Variants in NCKAP5 observed in about 807,000 individuals in gnomAD.
The protein encoded by NCKAP5 is nck-associated protein 5.
A neutral mutation model predicts 167.0 loss-of-function variants in NCKAP5; 92 were observed. The ratio of observed to expected loss-of-function variants is 0.55; its 90% CI spans 0.47 to 0.66. NCKAP5 has a LOEUF of 0.66. Among genes scored for constraint, NCKAP5 ranks in the 30% least tolerant of loss-of-function variants. NCKAP5 has a pLI of 0.00. For missense variants in NCKAP5, 2,378 were observed against 2,315.0 expected, an observed-to-expected ratio of 1.03 and a Z score of -0.56; for synonymous variants, 891 against 877.4, an observed-to-expected ratio of 1.02 and a Z score of -0.27.
intron 4 of NCKAP5, among the ~76,000 whole-genome samples, chr2:133,215,637 T>C (rs2086394881): frequency 6.6e-6 from 1 of 152,096 alleles, no homozygotes; most frequent in Admixed American, 6.6e-5. Flanking sequence ...TATACAACAC[T>C]GAAAAGGAAT....
chr2:132,739,885 A>G (rs935598898), intron 16 of NCKAP5, among the ~76,000 whole-genome samples: 9 of 152,150 alleles, frequency 5.9e-5, no homozygotes, highest in Non-Finnish European at 1.0e-4. Context: ...AGCACCTTAA[A>G]AAGCTTTTTA....
At chr2:132,945,512 A>C (rs1174021727) in intron 8 of NCKAP5, among the ~76,000 whole-genome samples, 1 of 152,140 alleles carries the variant, frequency 6.6e-6, no homozygotes, top group African/African-American at 2.4e-5. Flanking sequence ...CACAGCACGA[A>C]TCGATGGAAG....
At chr2:133,610,610 C>T in the NCKAP5 span, among the ~76,000 whole-genome samples, 1 of 152,046 alleles carries the variant, frequency 6.6e-6, no homozygotes, top group Non-Finnish European at 1.5e-5. Context: ...TAGAAGAAGG[C>T]TAGATATTCT....
chr2:133,263,641 G>T (rs2089029650), intron 4 of NCKAP5, among the ~76,000 whole-genome samples: 1 of 152,078 alleles, frequency 6.6e-6, no homozygotes, highest in Non-Finnish European at 1.5e-5. Flanking sequence ...AGTCAGAAGG[G>T]CTGCCCTCCA....
intron 5 of NCKAP5, among the ~76,000 whole-genome samples, chr2:133,203,760 T>C (rs1473792660): frequency 6.6e-6 from 1 of 152,104 alleles, no homozygotes; most frequent in Non-Finnish European, 1.5e-5. Flanking sequence ...AAGAATACGA[T>C]CTTTGGGAAT....
chr2:133,134,154 T>C (rs769252190), intron 5 of NCKAP5, among the ~76,000 whole-genome samples: 1 of 152,216 alleles, frequency 6.6e-6, no homozygotes, highest in Non-Finnish European at 1.5e-5. Flanking sequence ...GTCCACTGTG[T>C]GCATTACGAG....
intron 11 of NCKAP5, among the ~76,000 whole-genome samples, chr2:132,797,023 G>C (rs980803885): frequency 6.6e-6 from 1 of 152,144 alleles, no homozygotes; most frequent in African/African-American, 2.4e-5. Flanking sequence ...AGTAGGAAAA[G>C]TATGAATACT....
At chr2:133,257,382 T>C (rs762014334) in intron 4 of NCKAP5, among the ~76,000 whole-genome samples, 1 of 152,184 alleles carries the variant, frequency 6.6e-6, no homozygotes, top group Non-Finnish European at 1.5e-5. Context: ...AACAGAATCA[T>C]AACAGGCGTA....
chr2:133,203,470 C>T (rs1224589311), intron 5 of NCKAP5, among the ~76,000 whole-genome samples: 1 of 152,072 alleles, frequency 6.6e-6, no homozygotes. Flanking sequence ...AGCACACCAA[C>T]ATGGTACATG....
At position 132,784,513 on chromosome 2, in the gene NCKAP5, T is replaced by G; in HGVS notation, c.2298A>C (p.Gln766His). The change falls in exon 14 of 20, where the codon CAA becomes CAC. Residue 766 changes from glutamine to histidine, a missense_variant. Physicochemically the swap from Gln to His is conservative, Grantham distance 24. Transcript: ENST00000409261. ...TGACCAGCTTTTGCTGCTGAGGATT[T>G]TGTGTCACTGTCCTGGAGCTGAAAG... ...TESFSSRTVTQNPQQQKLVKP... is the reference protein window; with the variant it reads ...TESFSSRTVTHNPQQQKLVKP... 6.4e-7 allele frequency: 1 copy of G among 1,569,342 alleles called. No individual in the cohort carries two copies. Among genetic ancestry groups the G allele is most frequent in the Non-Finnish European group, 8.6e-7 (1 of 1,158,780 alleles).
At chr2:133,153,743 C>T (rs988792121) in intron 5 of NCKAP5, among the ~76,000 whole-genome samples, 1 of 146,388 alleles carries the variant, frequency 6.8e-6, no homozygotes, top group African/African-American at 2.5e-5. Context: ...TCCTAGAATG[C>T]CTTCCCCTCC....
the NCKAP5 span, among the ~76,000 whole-genome samples, chr2:133,617,360 A>G: frequency 1.3e-5 from 2 of 151,416 alleles, no homozygotes; most frequent in Admixed American, 1.3e-4. Context: ...AGGAAGTCAA[A>G]CTGTCCCTGT....
At chr2:133,014,363 A>G (rs1290680870) in intron 6 of NCKAP5, among the ~76,000 whole-genome samples, 1 of 152,176 alleles carries the variant, frequency 6.6e-6, no homozygotes, top group Admixed American at 6.5e-5. Flanking sequence ...CCCATCCACC[A>G]CCAGTGAAGC....
intron 2 of NCKAP5, among the ~76,000 whole-genome samples, chr2:133,527,453 G>T (rs950251476): frequency 6.6e-6 from 1 of 151,910 alleles, no homozygotes; most frequent in African/African-American, 2.4e-5. Flanking sequence ...ACTTTAAGAG[G>T]TTATTCATTC....
At chr2:133,250,456 C>G (rs972689325) in intron 4 of NCKAP5, among the ~76,000 whole-genome samples, 1 of 152,080 alleles carries the variant, frequency 6.6e-6, no homozygotes, top group South Asian at 2.1e-4. Flanking sequence ...GTACCCACCA[C>G]CAGCTTAGGG....
At chr2:133,492,170 T>TGTGTGTGTGTGTGTGTGTGTGTGTG (rs1559524824) in intron 3 of NCKAP5, among the ~76,000 whole-genome samples, 101 of 151,522 alleles carry the variant, frequency 6.7e-4, no homozygotes, top group East Asian at 2.3e-3. Flanking sequence ...TGTGTGTGTG[T>TGTGTGTGTGTGTGTGTGTGTGTGTG]TAAGGTCTAT....
the NCKAP5 span, among the ~76,000 whole-genome samples, chr2:133,657,128 T>C: frequency 6.6e-6 from 1 of 152,236 alleles, no homozygotes; most frequent in African/African-American, 2.4e-5. Context: ...AAAGAAGGGA[T>C]GTTTTGCCCA....
In NCKAP5 at chr2:132,782,018, A is replaced by G; in HGVS notation, c.4793T>C (p.Leu1598Pro). The change falls in exon 14 of 20, where the codon CTG becomes CCG. Residue 1598 changes from leucine to proline, a missense_variant. Around this residue, in one of 3 missense-constraint regions of NCKAP5, gnomAD observed 1,325 missense variants for 1,274.5 expected, o/e 1.04. Coordinates refer to ENST00000409261, the MANE Select transcript of NCKAP5 (RefSeq NM_207363.3). ...GTGTCTATTCCTTGGTTCAATCTTC[A>G]GTTGGTTGTAAATGTCTTGTGGTGT... ...RRTPQDIYNQ[L>P]KIEPRNRHSP... 6.2e-7 allele frequency: 1 copy of G among 1,613,958 alleles called. No individual in the cohort carries two copies. The highest frequency in any genetic ancestry group is 2.2e-5 in the East Asian group (1 of 44,878).
At chr2:133,424,384 G>A (rs954297282) in intron 3 of NCKAP5, among the ~76,000 whole-genome samples, 10 of 152,050 alleles carry the variant, frequency 6.6e-5, no homozygotes, top group African/African-American at 1.7e-4. Context: ...AGATAATGTC[G>A]GAACACCATC....
Sources: allele counts gnomAD v4.1 joint callset (sites outside exome capture counted in the v4.1 genomes callset), GRCh38; gene constraint gnomAD v4.1.1; regional missense constraint gnomAD v4.1.1; transcripts MANE v1.5; gene names NCBI Gene and HGNC (gene_info 2026-07-23, HGNC 2026-07-21).